Variants in CD22 observed in about 807,000 individuals in gnomAD.
CD22 encodes B-cell receptor CD22.
In CD22, 51 loss-of-function variants were observed where a neutral mutation model predicts 94.7. The observed-to-expected ratio is 0.54, with a 90% CI of 0.43 to 0.68. The LOEUF is 0.68. CD22 is among the 30% of genes least tolerant of loss of function. CD22 has a pLI of 0.00. For missense variants in CD22, 931 were observed against 1,060.4 expected, an observed-to-expected ratio of 0.88 and a Z score of 1.69; for synonymous variants, 424 against 422.5, an observed-to-expected ratio of 1.00 and a Z score of -0.04.
At chr19:35,344,608 T>C (rs1413443228) in intron 9 of CD22, 13 of 535,656 alleles carry the variant, frequency 2.4e-5, no homozygotes, top group South Asian at 2.0e-4. Context: ...GTGCCACGTC[T>C]GTGGGAAAAG....
rs761915100 is a variant in CD22 at position 35,345,612 on chromosome 19, C to G, written c.2219C>G (p.Ala740Gly). 10 of 1,602,882 alleles carry G rather than the reference C, an allele frequency of 6.2e-6. No homozygotes were observed. The highest frequency in any genetic ancestry group is 5.5e-5 in the South Asian group (5 of 90,840). ...FFVRNKKVRRAPLSEGPHSLG... is the reference protein window; with the variant it reads ...FFVRNKKVRRGPLSEGPHSLG... ...TCGTCTCCCTCCCAGGTTAGAAGGG[C>G]CCCCCTCTCTGAAGGCCCCCACTCC... is the stretch of plus-strand genomic sequence containing the variant. Residue 740 changes from alanine (A) to glycine (G), a missense_variant, in exon 12 of 14, where the codon GCC (alanine) becomes GGC (glycine). By Grantham distance (60) the Ala-to-Gly change is moderately conservative. Coordinates refer to ENST00000085219, the MANE Select transcript of CD22 (RefSeq NM_001771.4).
chr19:35,330,682 TG>T (rs897360866), intron 1 of CD22: 2 of 152,166 alleles, frequency 1.3e-5, no homozygotes, highest in Non-Finnish European at 2.9e-5. Context: ...GGGCTTGGGT[TG>T]GTGCTGAGAC....
At chr19:35,345,852 G>C in intron 12 of CD22, 132 bp downstream of exon 12, 1 of 711,904 alleles carries the variant, frequency 1.4e-6, no homozygotes, top group Non-Finnish European at 2.5e-6. Flanking sequence ...ATTCCCACTC[G>C]GCAACAAGCC....
intron 3 of CD22, among the ~76,000 whole-genome samples, chr19:35,335,515 CCACTG>C (rs2066709061): frequency 6.6e-6 from 1 of 152,048 alleles, no homozygotes; most frequent in Non-Finnish European, 1.5e-5. Flanking sequence ...TAGGATTGCG[CCACTG>C]CACTCCAGCC....
chr19:35,340,759 C>T (rs577150110), intron 6 of CD22, 122 bp from the exon 7 acceptor site: 4 of 1,056,422 alleles, frequency 3.8e-6, no homozygotes. Flanking sequence ...ACAAGCCCCC[C>T]TTTGATTAAT....
Position 35,345,065 on chromosome 19 carries a change from A to G in CD22, c.2147A>G (p.Gln716Arg). 6.2e-7 allele frequency: 1 copy of G among 1,614,152 alleles called. No homozygotes were observed. The highest frequency in any genetic ancestry group is 1.1e-5 in the South Asian group (1 of 91,084). ...LKLQRRWKRTQSQQGLQENSS... is the reference protein window; with the variant it reads ...LKLQRRWKRTRSQQGLQENSS... ...TTATTTCTCAGTTGGAAGAGGACAC[A>G]GAGCCAGCAGGGGCTTCAGGAGAAT... Residue 716 changes from glutamine (Q) to arginine (R), a missense_variant, in exon 11 of 14, where the codon CAG becomes CGG. Physicochemically the swap from Gln to Arg is conservative, Grantham distance 43. Coordinates refer to ENST00000085219, the MANE Select transcript of CD22 (RefSeq NM_001771.4).
Position 35,336,351 on chromosome 19 carries a change from C to T in CD22, c.718+10C>T. On this transcript the variant is annotated intron_variant, in intron 4 of 13. Transcript: ENST00000085219. ...CAGCTGAACGTGAAGCGTGAGTCTC[C>T]CCGGCATGCCTGTGGGAAGGGCAAG... The T allele has an allele frequency of 4.3e-6, 7 of 1,611,868 alleles. No individual in the cohort carries two copies. The highest frequency in any genetic ancestry group is 5.9e-6 in the Non-Finnish European group (7 of 1,178,466).
chr19:35,329,712 T>G (rs2066619515), intron 1 of CD22: 1 of 160,480 alleles, frequency 6.2e-6, no homozygotes, highest in East Asian at 1.7e-4. Flanking sequence ...GCTGGGATGC[T>G]CCAGCCCGTC....
intron 9 of CD22, 38 bp from the exon 10 acceptor site, chr19:35,344,791 C>T: frequency 6.8e-7 from 1 of 1,460,790 alleles, no homozygotes; most frequent in South Asian, 1.2e-5. Flanking sequence ...GGAGAGCTGG[C>T]CCCTCAGTTG....
rs768004791 is a variant in CD22, at chr19:35,342,006, A to AGTCC, written c.2035+42_2035+45dup. On this transcript the variant is annotated intron_variant, in intron 9 of 13. Coordinates refer to ENST00000085219, the MANE Select transcript of CD22 (RefSeq NM_001771.4). ...GCTCTTGTTCTTCTTGGTGGTGGTC[A>AGTCC]GTCCTTCCTTCCTTCCTTCCTTCCT... 4.4e-5 allele frequency: 51 copies of AGTCC among 1,165,230 alleles called. No individual in the cohort carries two copies. In the East Asian group the frequency reaches 1.1e-3, roughly 24 times the overall value. The allele number at this position is 1,165,230 out of a possible 1,614,324, so 72.2% of individuals were successfully genotyped here. A position where few individuals can be genotyped will look rare whatever the true frequency, so the allele number is the denominator to read the frequency against.
At position 35,341,523 on chromosome 19, in the gene CD22, CA is replaced by C; in HGVS notation, c.1689del (p.Glu564LysfsTer10). Reference sequence around the variant, plus strand: ...CAGCTGAATTTTGACTCCATCTCCCCAGAAGATGCTGGGAGTTACAGCTGCT... The same window carrying C: ...CAGCTGAATTTTGACTCCATCTCCCCGAAGATGCTGGGAGTTACAGCTGCT... ...ESQLNFDSIS[P>X]EDAGSYSCWV... is the part of the protein sequence containing the mutation. On this transcript the variant is annotated frameshift_variant, in exon 8 of 14. Transcript: ENST00000085219. LOFTEE classifies it high-confidence loss of function. This position sits in a 1 kb window ranked among gnomAD's most constrained non-coding sequence, Gnocchi z 4.0. The C allele has an allele frequency of 1.2e-6, 2 of 1,614,154 alleles. No individual in the cohort carries two copies. Among genetic ancestry groups the C allele is most frequent in the Non-Finnish European group, 1.7e-6 (2 of 1,180,026 alleles).
In CD22 at chr19:35,345,710, C is replaced by T; in HGVS notation, c.2317C>T (p.Pro773Ser). 6.2e-7 allele frequency: 1 copy of T among 1,605,804 alleles called. No homozygotes were observed. The highest frequency in any genetic ancestry group is 8.5e-7 in the Non-Finnish European group (1 of 1,172,412). Residue 773 changes from proline (P) to serine (S), a missense_variant, in exon 12 of 14, where the codon CCA becomes TCA. Physicochemically the swap from Pro to Ser is moderately conservative, Grantham distance 74. Transcript: ENST00000085219. ...TTLRFPEMNI[P>S]RTGDAESSEM... Reference sequence around the variant, plus strand: ...CCTGCGCTTTCCCGAGATGAACATACCACGAACTGGGTACTGAGGGTACCA... The same window carrying T: ...CCTGCGCTTTCCCGAGATGAACATATCACGAACTGGGTACTGAGGGTACCA...
intron 1 of CD22, chr19:35,329,561 A>G (rs994307613): frequency 4.6e-5 from 11 of 240,688 alleles, no homozygotes; most frequent in Non-Finnish European, 7.9e-5. Flanking sequence ...TCTGTGCATA[A>G]TAACTGCTGT....
At chr19:35,335,492 G>A (rs1160587273) in intron 3 of CD22, among the ~76,000 whole-genome samples, 2 of 152,174 alleles carry the variant, frequency 1.3e-5, no homozygotes, top group Non-Finnish European at 2.9e-5. Context: ...AGGAGGTTGA[G>A]GCTACAGTGA....
At position 35,340,955 on chromosome 19, in the gene CD22, T is replaced by A; in HGVS notation, c.1324T>A (p.Cys442Ser). The A allele has an allele frequency of 1.9e-6, 3 of 1,614,200 alleles. No individual in the cohort carries two copies. Among genetic ancestry groups the A allele is most frequent in the Non-Finnish European group, 2.5e-6 (3 of 1,180,018 alleles). ...AGAAGGAGACACAGTGACCCTTTCC[T>A]GTAACTACAATTCCAGTAACCCCAG... ...IREGDTVTLS[C>S]NYNSSNPSVT... Residue 442 changes from cysteine (C) to serine (S), a missense_variant, in exon 7 of 14, where the codon TGT becomes AGT. By Grantham distance (112) the Cys-to-Ser change is moderately radical. Coordinates refer to ENST00000085219, the MANE Select transcript of CD22 (RefSeq NM_001771.4).
chr19:35,338,501 G>A, intron 6 of CD22, 70 bp downstream of exon 6: 2 of 1,509,838 alleles, frequency 1.3e-6, no homozygotes, highest in Non-Finnish European at 1.8e-6. Flanking sequence ...GGCAGATGGG[G>A]TGCAGGGCAT....
chr19:35,345,146 G>T lies in CD22; in HGVS notation c.2208+20G>T. ...AAAAAGGTAGGATGGGGCTGGGCAC[G>T]ATGGCTCATGCCTGTAATCCCAGCA... On this transcript the variant is annotated intron_variant, in intron 11 of 13. Coordinates refer to ENST00000085219, the MANE Select transcript of CD22 (RefSeq NM_001771.4). 6.2e-7 allele frequency: 1 copy of T among 1,609,240 alleles called. No individual in the cohort carries two copies. Among genetic ancestry groups the T allele is most frequent in the Non-Finnish European group, 8.5e-7 (1 of 1,176,084 alleles).
rs766345228 is a variant in CD22, at chr19:35,332,707, C to G, written c.195C>G (p.Asn65Lys). Reference sequence around the variant, plus strand: ...TCCTGTTCCACAATCCTGAGTATAACAAGAACACCTCGAAGTTTGATGGGA... The same window carrying G: ...TCCTGTTCCACAATCCTGAGTATAAGAAGAACACCTCGAAGTTTGATGGGA... ...SFILFHNPEY[N>K]KNTSKFDGTR... Residue 65 changes from asparagine to lysine, a missense_variant, in exon 3 of 14, where the codon AAC becomes AAG. By Grantham distance (94) the Asn-to-Lys change is moderately conservative. Transcript: ENST00000085219. The G allele has an allele frequency of 7.1e-5, 115 of 1,613,998 alleles. No homozygotes were observed. The highest frequency in any genetic ancestry group is 2.4e-4 in the East Asian group (11 of 44,898).
Position 35,336,511 on chromosome 19 carries a change from C to T in CD22, c.718+170C>T, listed in dbSNP as rs113086619. 1.2e-3 allele frequency: 716 copies of T among 620,942 alleles called. 7 individuals carry two copies. In the African/African-American group the frequency reaches 0.012, roughly 11 times the overall value. The allele number at this position is 620,942 out of a possible 1,614,324, so 38.5% of individuals were successfully genotyped here. On this transcript the variant is annotated intron_variant, in intron 4 of 13. Coordinates refer to ENST00000085219, the MANE Select transcript of CD22 (RefSeq NM_001771.4). ...TGGTGTTTCGGGAAAAAGATTTGCT[C>T]TAGCCTAACAGAATAAAATGGTCCA...
Sources: gnomAD v4.1 joint callset for allele counts (sites outside exome capture counted in the v4.1 genomes callset) on GRCh38, gnomAD v4.1.1 for gene constraint, Gnocchi (gnomAD v3.1) non-coding constraint, MANE v1.5 for transcripts, NCBI Gene and HGNC (gene_info 2026-07-23, HGNC 2026-07-21) for gene names.